The following BDH1 variants were observed in gnomAD, a reference collection of about 807,000 sequenced individuals.
The protein encoded by BDH1 is D-beta-hydroxybutyrate dehydrogenase, mitochondrial.
Under a neutral mutation model 33.1 loss-of-function variants are expected in BDH1, and 30 were observed. The ratio of observed to expected loss-of-function variants is 0.91; its 90% confidence interval spans 0.68 to 1.23. BDH1 has a LOEUF of 1.23. Among genes scored for constraint, BDH1 ranks in the 50% most tolerant of loss-of-function variants. BDH1 has a pLI of 0.00. For synonymous variants in BDH1, 190 were observed against 183.6 expected (o/e 1.03, Z -0.28); for missense variants, 443 against 464.4 (o/e 0.95, Z 0.42).
intron 1 of BDH1, among the ~76,000 whole-genome samples, chr3:197,562,213 G>C (rs1341003110): frequency 1.3e-5 from 2 of 151,302 alleles, no homozygotes; most frequent in Non-Finnish European, 2.9e-5. Flanking sequence ...GGTCTTGGCT[G>C]GTTTCTTTTC....
intron 7 of BDH1, 53 bp from the exon 8 acceptor site, chr3:197,512,417 C>G: frequency 1.3e-6 from 2 of 1,522,138 alleles, no homozygotes; most frequent in East Asian, 2.3e-5. Context: ...TATGACACAG[C>G]GGGCAGAAGT....
At position 197,511,803 on chromosome 3, in the gene BDH1, C is replaced by A; in HGVS notation, c.*92G>T. 1 of 1,256,540 alleles carries A rather than the reference C, an allele frequency of 8.0e-7. No individual in the cohort carries two copies. Among genetic ancestry groups the A allele is most frequent in the Non-Finnish European group, 1.1e-6 (1 of 904,974 alleles). 77.8% of individuals were successfully genotyped at this position (1,256,540 alleles called of 1,614,324 possible). The stretch of plus-strand genomic sequence containing the variant: ...GGGTCTTCCTGGCATGGTGGATAAT[C>A]CACACGTGGATAATCAAGAGTTGAC... On this transcript the variant is annotated 3_prime_UTR_variant, in exon 8 of 8. Coordinates refer to ENST00000392379, the MANE Select transcript of BDH1 (RefSeq NM_203314.3).
At chr3:197,532,837 C>G (rs998314950) in intron 4 of BDH1, among the ~76,000 whole-genome samples, 8 of 152,246 alleles carry the variant, frequency 5.3e-5, no homozygotes, top group African/African-American at 1.9e-4. Context: ...AGTGATAGAG[C>G]TGGAACTGAA....
In BDH1 at chr3:197,522,580, G is replaced by A. The variant is rs1247049915; in HGVS notation, c.409+60C>T. On this transcript the variant is annotated intron_variant, in intron 6 of 7. Transcript: ENST00000392379. This position sits in a 1 kb window ranked among gnomAD's most constrained non-coding sequence, Gnocchi z 4.8. ...TGCCAGCCAGTGGAAGGTGGTGTTC[G>A]GCAAGTGCCCCTTGGAATGGCCCCA... is the stretch of plus-strand genomic sequence containing the variant. The A allele has an allele frequency of 1.0e-5, 16 of 1,599,540 alleles. No individual in the cohort carries two copies. Among genetic ancestry groups the A allele is most frequent in the East Asian group, 4.5e-5 (2 of 44,816 alleles).
At chr3:197,565,361 T>C (rs186388263) in intron 1 of BDH1, among the ~76,000 whole-genome samples, 72 of 152,352 alleles carry the variant, frequency 4.7e-4, no homozygotes, top group African/African-American at 1.7e-3. Flanking sequence ...TAACCTGTGA[T>C]ATCAAGTGTT....
intron 3 of BDH1, among the ~76,000 whole-genome samples, chr3:197,536,871 C>T (rs527514021): frequency 2.0e-5 from 3 of 152,308 alleles, no homozygotes; most frequent in Admixed American, 6.5e-5. Context: ...CAAACAAAAA[C>T]AAAACAAAAA....
intron 3 of BDH1, among the ~76,000 whole-genome samples, chr3:197,536,815 C>T (rs1472785767): frequency 6.6e-6 from 1 of 152,176 alleles, no homozygotes; most frequent in Non-Finnish European, 1.5e-5. Flanking sequence ...TGCACTGCAG[C>T]CTGGGCAACA....
Position 197,553,036 on chromosome 3 carries a change from G to A in BDH1, c.-44+1526C>T, listed in dbSNP as rs534862901. ...AGGTTCAAGCAATCCTCCTGCCTCA[G>A]CCTCCCAAGTAACTGGGGTTACAAG... On this transcript the variant is annotated intron_variant, in intron 2 of 7. Transcript: ENST00000392379. Among the ~76,000 whole-genome samples, 9 of 152,150 alleles carry A rather than the reference G, an allele frequency of 5.9e-5. No homozygotes were observed. The East Asian group carries it at 1.8e-3, about 30-fold the overall frequency.
At chr3:197,543,246 G>C in intron 3 of BDH1, 1 of 935,356 alleles carries the variant, frequency 1.1e-6, no homozygotes. Flanking sequence ...GGCAGCATCT[G>C]TGAAAAAAAT....
intron 4 of BDH1, 147 bp downstream of exon 4, chr3:197,533,342 G>A: frequency 1.3e-6 from 1 of 774,520 alleles, no homozygotes; most frequent in African/African-American, 1.7e-5. Flanking sequence ...CTGATGAGGG[G>A]CTTTGGGGGA....
chr3:197,542,074 C>T (rs1715679368), intron 3 of BDH1, among the ~76,000 whole-genome samples: 1 of 152,218 alleles, frequency 6.6e-6, no homozygotes, highest in South Asian at 2.1e-4. Context: ...AAGCGGAGGT[C>T]GACCACAATT....
At chr3:197,527,812 A>ACTCC (rs1281964319) in intron 5 of BDH1, among the ~76,000 whole-genome samples, 2 of 142,156 alleles carry the variant, frequency 1.4e-5, no homozygotes, top group South Asian at 4.6e-4. Flanking sequence ...TTTCTGTGAC[A>ACTCC]CTCCCTCCCG....
intron 3 of BDH1, chr3:197,533,813 T>G (rs1488894683): frequency 6.0e-6 from 3 of 504,194 alleles, no homozygotes; most frequent in Non-Finnish European, 1.1e-5. Context: ...AAGCTACTTT[T>G]GTTGGGCAGG....
At chr3:197,551,705 T>C (rs1286885082) in intron 2 of BDH1, among the ~76,000 whole-genome samples, 1 of 152,208 alleles carries the variant, frequency 6.6e-6, no homozygotes, top group Non-Finnish European at 1.5e-5. Context: ...ATATGAGGTG[T>C]ATTAATTCTC....
chr3:197,567,321 G>T (rs1717465442), intron 1 of BDH1, among the ~76,000 whole-genome samples: 1 of 152,164 alleles, frequency 6.6e-6, no homozygotes, highest in South Asian at 2.1e-4. Flanking sequence ...AGTCAAGCTG[G>T]GAACTGCTTA....
At position 197,553,999 on chromosome 3, in the gene BDH1, C is replaced by G. The variant is rs530928021; in HGVS notation, c.-44+563G>C. On this transcript the variant is annotated intron_variant, in intron 2 of 7. Transcript: ENST00000392379. The stretch of plus-strand genomic sequence containing the variant: ...AACCCGAGGACACAAGCTGAGCCCC[C>G]GAGTCCTCACCTGGCTCCTCCAAAC... Among the ~76,000 whole-genome samples the G allele has an allele frequency of 2.0e-5, 3 of 152,310 alleles. No homozygotes were observed. In the South Asian group the frequency reaches 6.2e-4, roughly 32 times the overall value.
intron 3 of BDH1, 39 bp downstream of exon 3, chr3:197,546,322 A>T: frequency 6.2e-7 from 1 of 1,602,046 alleles, no homozygotes; most frequent in Non-Finnish European, 8.6e-7. Context: ...CTGCTCAGAA[A>T]GTGTCCCCTC....
At chr3:197,527,361 T>A (rs922679080) in intron 5 of BDH1, among the ~76,000 whole-genome samples, 8 of 152,206 alleles carry the variant, frequency 5.3e-5, no homozygotes, top group Admixed American at 2.0e-4. Context: ...CCAATGGATT[T>A]GGGAAAATGG....
chr3:197,514,564 T>A lies in BDH1; in HGVS notation c.410-148A>T. On this transcript the variant is annotated intron_variant, in intron 6 of 7. Transcript: ENST00000392379. This position sits in a 1 kb window ranked among gnomAD's most constrained non-coding sequence, Gnocchi z 4.2. ...CTCTCAAGAAACTTTCTAGAGTCAC[T>A]CAGGAACGACAGGAGGTAAAGAGGC... is the stretch of plus-strand genomic sequence containing the variant. 1.1e-6 allele frequency: 1 copy of A among 947,868 alleles called. No homozygotes were observed. Among genetic ancestry groups the A allele is most frequent in the Non-Finnish European group, 1.5e-6 (1 of 652,194 alleles). The allele number at this position is 947,868 out of a possible 1,614,324, so 58.7% of individuals were successfully genotyped here.
Sources: allele counts gnomAD v4.1 joint callset (sites outside exome capture counted in the v4.1 genomes callset), GRCh38; gene constraint gnomAD v4.1.1; non-coding constraint Gnocchi (gnomAD v3.1); transcripts MANE v1.5; gene names NCBI Gene and HGNC (gene_info 2026-07-23, HGNC 2026-07-21).